TAF12: variants seen among roughly 807,000 people sequenced by gnomAD.
TAF12 encodes transcription initiation factor TFIID subunit 12.
In TAF12, 3 loss-of-function variants were observed where a neutral mutation model predicts 20.8. That is an observed-to-expected ratio of 0.14 (90% CI 0.07 to 0.37). TAF12 has a LOEUF of 0.37. TAF12 is among the 10% of genes least tolerant of loss of function. The pLI is 1.00. For missense variants in TAF12, 131 were observed against 197.9 expected (o/e 0.66, Z 2.03); for synonymous variants, 69 against 70.2 (o/e 0.98, Z 0.09).
At chr1:28,623,030 G>T (rs1260061232) in intron 1 of TAF12, among the ~76,000 whole-genome samples, 1 of 147,876 alleles carries the variant, frequency 6.8e-6, no homozygotes, top group Non-Finnish European at 1.5e-5. Context: ...CGCCCCCACC[G>T]CCCCACAAAA....
chr1:28,647,399 T>C (rs2124404276), upstream of TAF12, among the ~76,000 whole-genome samples: 1 of 152,260 alleles, frequency 6.6e-6, no homozygotes, highest in South Asian at 2.1e-4. Flanking sequence ...GCAATCCTTC[T>C]GCCTCAGCCT....
chr1:28,630,976 C>T lies in TAF12; in HGVS notation c.-84-8811G>A, dbSNP rs1216940146. On this transcript the variant is annotated intron_variant, in intron 1 of 5. Coordinates refer to ENST00000373824, the MANE Select transcript of TAF12 (RefSeq NM_005644.4). ...CAGAGAAGTACTTGAACCCGGGAGG[C>T]GGAGGTTGCAGTGAGCTGAGACCGT... 2.2e-4 allele frequency among the ~76,000 whole-genome samples: 31 copies of T among 138,746 alleles called. No individual in the cohort carries two copies. In the Admixed American group the frequency reaches 2.3e-3, roughly 10 times the overall value. The allele number at this position is 138,746 out of a possible 152,430, so 91.0% of individuals were successfully genotyped here. A position where few individuals can be genotyped will look rare whatever the true frequency, so the allele number is the denominator to read the frequency against.
chr1:28,613,162 A>T, intron 4 of TAF12, 85 bp downstream of exon 4: 1 of 1,141,778 alleles, frequency 8.8e-7, no homozygotes, highest in Non-Finnish European at 1.2e-6. Context: ...TGGTTCTGGC[A>T]TGAAGGTTCC....
In TAF12 at chr1:28,622,181, A is replaced by G; in HGVS notation, c.-84-16T>C. 3 of 1,495,998 alleles carry G rather than the reference A, an allele frequency of 2.0e-6. No homozygotes were observed. The highest frequency in any genetic ancestry group is 2.6e-5 in the Admixed American group (1 of 38,570). 92.7% of individuals were successfully genotyped at this position (1,495,998 alleles called of 1,614,324 possible). On this transcript the variant is annotated splice_polypyrimidine_tract_variant and intron_variant, in intron 1 of 5. Coordinates refer to ENST00000373824, the MANE Select transcript of TAF12 (RefSeq NM_005644.4). ...GGCCAATTAACTGGAGAAGAAAAGC[A>G]CAAGAATTAGCTCTAGAAGAACCTG... is the stretch of plus-strand genomic sequence containing the variant.
chr1:28,603,013 C>T lies in TAF12; in HGVS notation c.*526G>A, dbSNP rs573780093. 2 of 152,440 alleles carry T rather than the reference C, an allele frequency of 1.3e-5. No individual in the cohort carries two copies. Among genetic ancestry groups the T allele is most frequent in the East Asian group, 1.9e-4 (1 of 5,170 alleles). 9.4% of individuals were successfully genotyped at this position (152,440 alleles called of 1,614,324 possible). A position where few individuals can be genotyped will look rare whatever the true frequency, so the allele number is the denominator to read the frequency against. On this transcript the variant is annotated 3_prime_UTR_variant, in exon 6 of 6. Transcript: ENST00000373824. Reference sequence around the variant, plus strand: ...TTTTCTCAAACACCAAAATGAATAACGATGCTGCCACCTGCTGACTAGAGA... The same window carrying T: ...TTTTCTCAAACACCAAAATGAATAATGATGCTGCCACCTGCTGACTAGAGA...
intron 1 of TAF12, among the ~76,000 whole-genome samples, chr1:28,637,657 T>C (rs1667883743): frequency 6.6e-6 from 1 of 152,010 alleles, no homozygotes; most frequent in African/African-American, 2.4e-5. Flanking sequence ...AGAGCAAGAC[T>C]CCGTCTCCAG....
intron 4 of TAF12, among the ~76,000 whole-genome samples, chr1:28,607,461 A>G (rs1666704820): frequency 6.6e-6 from 1 of 152,210 alleles, no homozygotes; most frequent in Non-Finnish European, 1.5e-5. Flanking sequence ...ACCTGAAGTC[A>G]GGAGCTCAAG....
chr1:28,643,036 G>T lies in TAF12; in HGVS notation c.-129C>A, dbSNP rs116551508. 8.1e-6 allele frequency: 8 copies of T among 985,792 alleles called. No individual in the cohort carries two copies. Among genetic ancestry groups the T allele is most frequent in the East Asian group, 2.3e-4 (2 of 8,828 alleles). The allele number at this position is 985,792 out of a possible 1,614,324, so 61.1% of individuals were successfully genotyped here. ...CCCATGATATGCAGAGACTGCCCCA[G>T]TGAAGCGTTCGTCTCAGCAGCCGGT... On this transcript the variant is annotated 5_prime_UTR_variant, in exon 1 of 6. In the 5' UTR this introduces an upstream ATG that the reference lacks. Transcript: ENST00000373824.
chr1:28,643,082 G>A (rs1668094265), upstream of TAF12: 2 of 985,746 alleles, frequency 2.0e-6, no homozygotes, highest in Admixed American at 6.2e-5. Flanking sequence ...GGCCCTCCCC[G>A]ACTACTTCCG....
At chr1:28,644,905 A>C (rs1234537774), upstream of TAF12, among the ~76,000 whole-genome samples, 1 of 152,190 alleles carries the variant, frequency 6.6e-6, no homozygotes, top group Non-Finnish European at 1.5e-5. Context: ...AATTATGGCG[A>C]TTGTTAAATG....
At chr1:28,647,413 G>A (rs1668223825), upstream of TAF12, among the ~76,000 whole-genome samples, 1 of 152,052 alleles carries the variant, frequency 6.6e-6, no homozygotes, top group East Asian at 1.9e-4. Flanking sequence ...TCAGCCTTTG[G>A]GGTAGCTGGG....
intron 1 of TAF12, among the ~76,000 whole-genome samples, chr1:28,626,497 C>T (rs1292366514): frequency 1.3e-5 from 2 of 148,876 alleles, no homozygotes; most frequent in African/African-American, 5.0e-5. Context: ...AGGAGAATTG[C>T]TTGAACCCAG....
intron 1 of TAF12, among the ~76,000 whole-genome samples, chr1:28,627,665 CAAAAA>C (rs61016146): frequency 1.3e-3 from 130 of 103,438 alleles, no homozygotes; most frequent in Admixed American, 4.3e-3. Flanking sequence ...TGCACTCCCT[CAAAAA>C]AAAAAAAAAA....
intron 3 of TAF12, 74 bp from the exon 4 acceptor site, chr1:28,613,435 C>T: frequency 1.6e-6 from 2 of 1,267,414 alleles, no homozygotes; most frequent in Non-Finnish European, 2.2e-6. Context: ...CAACTGCTTT[C>T]AGCTTGGATT....
intron 1 of TAF12, among the ~76,000 whole-genome samples, chr1:28,627,011 TTC>T (rs1667424583): frequency 6.6e-6 from 1 of 151,366 alleles, no homozygotes; most frequent in South Asian, 2.1e-4. Flanking sequence ...GGATTTTTTT[TTC>T]TTTTTTTGTT....
upstream of TAF12, among the ~76,000 whole-genome samples, chr1:28,644,646 A>G (rs1250166497): frequency 6.6e-6 from 1 of 152,252 alleles, no homozygotes; most frequent in Non-Finnish European, 1.5e-5. Context: ...AAAGGGTGAT[A>G]GAAGAGAATA....
At chr1:28,612,315 T>C (rs978194595) in intron 4 of TAF12, among the ~76,000 whole-genome samples, 1 of 151,816 alleles carries the variant, frequency 6.6e-6, no homozygotes, top group East Asian at 1.9e-4. Flanking sequence ...CCAGGTGTGG[T>C]GGTGCAGGCC....
upstream of TAF12, chr1:28,643,563 GCTTA>G (rs896504404): frequency 6.6e-6 from 1 of 152,184 alleles, no homozygotes; most frequent in African/African-American, 2.4e-5. Context: ...ACAATTGAGT[GCTTA>G]CTGTTTGCCG....
rs957728466 is a variant in TAF12 at position 28,642,898 on chromosome 1, C to T, written c.-85+94G>A. On this transcript the variant is annotated intron_variant, in intron 1 of 5. Transcript: ENST00000373824. ...AATCCTCACAGCCCCGTCTCGTCCA[C>T]AACCTGGTCCTTCGAACACTGACCC... 7 of 986,082 alleles carry T rather than the reference C, an allele frequency of 7.1e-6. No individual in the cohort carries two copies. In the African/African-American group the frequency reaches 1.0e-4, roughly 15 times the overall value. 61.1% of individuals were successfully genotyped at this position (986,082 alleles called of 1,614,324 possible). A position where few individuals can be genotyped will look rare whatever the true frequency, so the allele number is the denominator to read the frequency against.
Sources: allele counts gnomAD v4.1 joint callset (sites outside exome capture counted in the v4.1 genomes callset), GRCh38; gene constraint gnomAD v4.1.1; transcripts MANE v1.5; gene names NCBI Gene and HGNC (gene_info 2026-07-23, HGNC 2026-07-21).